Variants in ERAP1 observed in about 807,000 individuals in gnomAD.
ERAP1 encodes adipocyte-derived leucine aminopeptidase.
In ERAP1, 86 loss-of-function variants were observed where a neutral mutation model predicts 103.7. The ratio of observed to expected loss-of-function variants is 0.83; its 90% confidence interval spans 0.70 to 0.99. ERAP1 has a LOEUF of 0.99. Among genes scored for constraint, ERAP1 ranks in the 50% least tolerant of loss-of-function variants. The pLI is 0.00. For synonymous variants in ERAP1, 398 were observed against 402.4 expected (o/e 0.99, Z 0.13); for missense variants, 1,009 against 1,128.4 (o/e 0.89, Z 1.52).
At chr5:96,781,635 G>C in intron 16 of ERAP1, 58 bp downstream of exon 16, 7 of 1,606,318 alleles carry the variant, frequency 4.4e-6, no homozygotes, top group Non-Finnish European at 6.0e-6. Context: ...ATGCCAGAAT[G>C]ATCTAATCTA....
At chr5:96,795,750 T>C (rs1288875256) in intron 4 of ERAP1, among the ~76,000 whole-genome samples, 1 of 152,110 alleles carries the variant, frequency 6.6e-6, no homozygotes, top group African/African-American at 2.4e-5. Flanking sequence ...TAAGAGCAAA[T>C]ACAATTTCTC....
intron 11 of ERAP1, 58 bp from the exon 12 acceptor site, chr5:96,786,607 T>A: frequency 8.9e-7 from 1 of 1,122,152 alleles, no homozygotes; most frequent in Non-Finnish European, 1.4e-6. Flanking sequence ...AAGCAGTTAT[T>A]AAATCACCTA....
intron 2 of ERAP1, among the ~76,000 whole-genome samples, chr5:96,802,065 T>C (rs192347537): frequency 6.6e-6 from 1 of 152,134 alleles, no homozygotes; most frequent in Admixed American, 6.5e-5. Flanking sequence ...AGACTGCCAA[T>C]ATACACTATT....
chr5:96,805,078 A>G (rs1266231349), intron 1 of ERAP1: 1 of 150,604 alleles, frequency 6.6e-6, no homozygotes, highest in African/African-American at 2.4e-5. Flanking sequence ...GGCCCATACC[A>G]GGTGAATGCA....
the ERAP1 span, among the ~76,000 whole-genome samples, chr5:96,841,840 T>C: frequency 6.7e-6 from 1 of 149,910 alleles, no homozygotes; most frequent in Non-Finnish European, 1.5e-5. Flanking sequence ...TTCAGTTACA[T>C]GGATAAGTTC....
Position 96,783,095 on chromosome 5 carries a change from T to G in ERAP1, c.2241A>C (p.Ala747=). 6.2e-7 allele frequency: 1 copy of G among 1,614,254 alleles called. No individual in the cohort carries two copies. The highest frequency in any genetic ancestry group is 8.5e-7 in the Non-Finnish European group (1 of 1,180,050). The change falls in exon 15 of 19, where the codon GCA becomes GCC. Residue 747 remains alanine, a synonymous_variant. Transcript: ENST00000443439. ...CCTTCCACTTTCTGAAATAGCCTTC[T>G]GCCCTCTGTACGCACGGCTGATAGT... ...VHNYQPCVQR[A]EGYFRKWKES...
the ERAP1 span, chr5:96,909,237 C>T: frequency 2.2e-6 from 2 of 893,276 alleles, no homozygotes; most frequent in East Asian, 2.6e-5. Context: ...GGGGGACTGA[C>T]TGATAGCATG....
intron 2 of ERAP1, among the ~76,000 whole-genome samples, chr5:96,802,676 CT>C (rs976464702): frequency 6.6e-6 from 1 of 152,142 alleles, no homozygotes; most frequent in African/African-American, 2.4e-5. Flanking sequence ...AGTATTTCCT[CT>C]AATATGTTGC....
In ERAP1 at chr5:96,805,359, A is replaced by ATTT. The variant is rs1561295242; in HGVS notation, c.-17-1417_-17-1416insAAA. Among the ~76,000 whole-genome samples, 932 of 109,048 alleles carry ATTT rather than the reference A, an allele frequency of 8.5e-3. 4 individuals carry two copies. The highest frequency in any genetic ancestry group is 0.02 in the Middle Eastern group (4 of 204). 71.5% of individuals were successfully genotyped at this position (109,048 alleles called of 152,430 possible). A position where few individuals can be genotyped will look rare whatever the true frequency, so the allele number is the denominator to read the frequency against. On this transcript the variant is annotated intron_variant, in intron 1 of 18. Coordinates refer to ENST00000443439, the MANE Select transcript of ERAP1 (RefSeq NM_001040458.3). ...TTCTGGTTTTTGGTTTTTTTTTTTA[A>ATTT]AAAAAAAAAAAACTGTCCAGAGATT...
upstream of ERAP1, among the ~76,000 whole-genome samples, chr5:96,810,875 GC>G (rs1779110230): frequency 6.6e-6 from 1 of 152,140 alleles, no homozygotes; most frequent in South Asian, 2.1e-4. Context: ...CTGTTTTGCT[GC>G]CAAAGCTGCT....
At chr5:96,901,349 T>A in the ERAP1 span, among the ~76,000 whole-genome samples, 5 of 152,192 alleles carry the variant, frequency 3.3e-5, no homozygotes, top group South Asian at 8.3e-4. Flanking sequence ...TAGCCATCCC[T>A]AATCCAGTTG....
At chr5:96,831,419 G>A in the ERAP1 span, among the ~76,000 whole-genome samples, 1 of 152,130 alleles carries the variant, frequency 6.6e-6, no homozygotes, top group Non-Finnish European at 1.5e-5. Context: ...TCATATCACT[G>A]GCAAATACTG....
the ERAP1 span, among the ~76,000 whole-genome samples, chr5:96,828,827 T>C: frequency 2.0e-3 from 300 of 152,268 alleles, 3 homozygotes; most frequent in African/African-American, 7.0e-3. Context: ...GTCAATTTAA[T>C]AGTATTTTTC....
chr5:96,772,630 A>C (rs948764141), downstream of ERAP1: 4 of 152,722 alleles, frequency 2.6e-5, no homozygotes, highest in African/African-American at 9.6e-5. Context: ...TTTTATTTGA[A>C]ATTTTTAAGG....
chr5:96,775,444 T>G lies in ERAP1; in HGVS notation c.*952A>C. 1 of 985,372 alleles carries G rather than the reference T, an allele frequency of 1.0e-6. No homozygotes were observed. Among genetic ancestry groups the G allele is most frequent in the Non-Finnish European group, 1.2e-6 (1 of 829,882 alleles). The allele number at this position is 985,372 out of a possible 1,614,324, so 61.0% of individuals were successfully genotyped here. ...ATAAGAAGCAGAGAGAGAAAAAAAA[T>G]CACCTCCCTAAGAAAAGGGTTTTCC... is the stretch of plus-strand genomic sequence containing the variant. On this transcript the variant is annotated 3_prime_UTR_variant, in exon 19 of 19. Transcript: ENST00000443439.
chr5:96,782,006 CA>C, intron 15 of ERAP1, 152 bp from the exon 16 acceptor site: 1 of 594,994 alleles, frequency 1.7e-6, no homozygotes, highest in Non-Finnish European at 2.7e-6. Context: ...CCTTCAGTTA[CA>C]ATTTTTTTTT....
At chr5:96,814,128 G>A in the ERAP1 span, 7 of 411,164 alleles carry the variant, frequency 1.7e-5, no homozygotes, top group African/African-American at 1.2e-4. Context: ...CTCACCTGAG[G>A]CCCAGCAGAA....
the ERAP1 span, among the ~76,000 whole-genome samples, chr5:96,850,189 G>T: frequency 5.9e-5 from 9 of 152,266 alleles, no homozygotes; most frequent in East Asian, 1.5e-3. Context: ...TCTGAGCAAT[G>T]ATTTCTTGCA....
At chr5:96,840,147 C>A in the ERAP1 span, among the ~76,000 whole-genome samples, 1 of 152,182 alleles carries the variant, frequency 6.6e-6, no homozygotes, top group Non-Finnish European at 1.5e-5. Context: ...TGCTTTTAAG[C>A]ATTCCTAAGG....
Sources: allele counts gnomAD v4.1 joint callset (sites outside exome capture counted in the v4.1 genomes callset), GRCh38; gene constraint gnomAD v4.1.1; transcripts MANE v1.5; gene names NCBI Gene and HGNC (gene_info 2026-07-23, HGNC 2026-07-21).